Variants in DENND2B observed in about 807,000 individuals in gnomAD.
DENND2B encodes DENN domain containing 2B.
Under a neutral mutation model 116.0 loss-of-function variants are expected in DENND2B, and 32 were observed. The observed-to-expected ratio is 0.28, with a 90% confidence interval of 0.21 to 0.37. The LOEUF is 0.37. Among genes scored for constraint, DENND2B ranks in the 10% least tolerant of loss-of-function variants. DENND2B has a pLI of 1.00. For synonymous variants in DENND2B, 588 were observed against 583.9 expected (o/e 1.01, Z -0.10); for missense variants, 1,276 against 1,477.7 (o/e 0.86, Z 2.24).
At chr11:8,823,211 G>C (rs1259516170) in intron 4 of DENND2B, among the ~76,000 whole-genome samples, 3 of 151,980 alleles carry the variant, frequency 2.0e-5, no homozygotes, top group Admixed American at 2.0e-4. Flanking sequence ...AGAATGTCAG[G>C]GACATAATTT....
At chr11:8,731,346 A>T in intron 2 of DENND2B, 137 bp from the exon 3 acceptor site, 2 of 846,430 alleles carry the variant, frequency 2.4e-6, no homozygotes, top group Non-Finnish European at 1.7e-6. Context: ...CTATTCAAGT[A>T]ATATACCTTG....
chr11:8,732,182 A>G (rs905290), intron 2 of DENND2B, among the ~76,000 whole-genome samples: 52,195 of 152,182 alleles, frequency 0.34, 10,946 homozygotes, highest in Non-Finnish European at 0.45. Flanking sequence ...AATAATTGGC[A>G]TCTACCATGT....
At chr11:8,814,324 T>C (rs2061497481), upstream of DENND2B, among the ~76,000 whole-genome samples, 1 of 146,886 alleles carries the variant, frequency 6.8e-6, no homozygotes, top group Non-Finnish European at 1.5e-5. Flanking sequence ...ACACACTTCA[T>C]TGACTTCCCA....
intron 4 of DENND2B, among the ~76,000 whole-genome samples, chr11:8,823,532 A>G (rs2061846368): frequency 6.6e-6 from 1 of 152,164 alleles, no homozygotes; most frequent in South Asian, 2.1e-4. Flanking sequence ...ATGGGAAGTG[A>G]TTAGGTCATG....
chr11:8,777,763 G>A (rs2057902621), intron 1 of DENND2B, among the ~76,000 whole-genome samples: 1 of 151,764 alleles, frequency 6.6e-6, no homozygotes, highest in Non-Finnish European at 1.5e-5. Context: ...TCAACCCAGG[G>A]AAAAAAAAGA....
At chr11:8,795,874 T>C (rs1348221227) in intron 1 of DENND2B, among the ~76,000 whole-genome samples, 1 of 152,238 alleles carries the variant, frequency 6.6e-6, no homozygotes, top group Non-Finnish European at 1.5e-5. Context: ...GACCATTCAA[T>C]GTCTGCTCAT....
chr11:8,705,571 A>G (rs1389098312), intron 13 of DENND2B, among the ~76,000 whole-genome samples: 1 of 151,778 alleles, frequency 6.6e-6, no homozygotes, highest in African/African-American at 2.4e-5. Flanking sequence ...CTTTGCTACT[A>G]AATACCTTCT....
intron 10 of DENND2B, 42 bp from the exon 11 acceptor site, chr11:8,710,956 A>G (rs1343170395): frequency 7.5e-6 from 12 of 1,609,132 alleles, no homozygotes; most frequent in Middle Eastern, 1.6e-4. Context: ...GTGTGAGAGG[A>G]CCTAGGAAAC....
chr11:8,730,213 G>C lies in DENND2B; in HGVS notation c.1077C>G (p.Ser359=). ...TATTTCCAGGGGTCCCGGGCTTAGT[G>C]GAACCACTGCCTTCCCTCTCTGGGG... ...GPPPEREGSG[S]TKPGTPGNSP... is the part of the protein sequence containing the mutation. The change falls in exon 3 of 20, where the codon TCC becomes TCG. Residue 359 remains serine (S), a synonymous_variant. Coordinates refer to ENST00000313726, the MANE Select transcript of DENND2B (RefSeq NM_213618.2). This position sits in a 1 kb window ranked among gnomAD's most constrained non-coding sequence, Gnocchi z 4.1. 1.2e-6 allele frequency: 2 copies of C among 1,613,398 alleles called. No homozygotes were observed. Among genetic ancestry groups the C allele is most frequent in the Non-Finnish European group, 1.7e-6 (2 of 1,179,602 alleles).
At chr11:8,811,989 T>A (rs992883104), upstream of DENND2B, among the ~76,000 whole-genome samples, 2 of 152,222 alleles carry the variant, frequency 1.3e-5, no homozygotes, top group African/African-American at 4.8e-5. Flanking sequence ...TCCTCCTGCC[T>A]CAGCCTCTCA....
At chr11:8,768,244 T>C (rs1314482499) in intron 1 of DENND2B, among the ~76,000 whole-genome samples, 1 of 151,978 alleles carries the variant, frequency 6.6e-6, no homozygotes, top group Non-Finnish European at 1.5e-5. Context: ...GGATCTTTAA[T>C]TTATTTATTT....
intron 2 of DENND2B, among the ~76,000 whole-genome samples, chr11:8,738,210 T>G (rs1414139358): frequency 6.6e-6 from 1 of 152,236 alleles, no homozygotes; most frequent in Admixed American, 6.5e-5. Flanking sequence ...CTTTCCCATG[T>G]GCCTGCACTG....
chr11:8,869,154 C>A (rs1390068643), intron 2 of DENND2B, among the ~76,000 whole-genome samples: 1 of 152,134 alleles, frequency 6.6e-6, no homozygotes, highest in Non-Finnish European at 1.5e-5. Flanking sequence ...TCTCTTTCCC[C>A]AAGGAGTCCA....
chr11:8,753,544 A>G (rs1259567885), intron 1 of DENND2B, among the ~76,000 whole-genome samples: 1 of 152,240 alleles, frequency 6.6e-6, no homozygotes, highest in Non-Finnish European at 1.5e-5. Context: ...GCTTCTTTTC[A>G]GAAATTGACA....
chr11:8,753,657 A>C (rs2052998924), intron 1 of DENND2B, among the ~76,000 whole-genome samples: 1 of 152,246 alleles, frequency 6.6e-6, no homozygotes, highest in Non-Finnish European at 1.5e-5. Context: ...CCAATTAAAA[A>C]AAAATACTAA....
At chr11:8,834,213 T>C (rs1242155423) in intron 4 of DENND2B, among the ~76,000 whole-genome samples, 3 of 152,246 alleles carry the variant, frequency 2.0e-5, no homozygotes. Flanking sequence ...AAAGTCATTC[T>C]ATTTTCCTGA....
In DENND2B at chr11:8,759,009, G is replaced by A. The variant is rs187420315; in HGVS notation, c.-25-8284C>T. 1.2e-4 allele frequency among the ~76,000 whole-genome samples: 19 copies of A among 152,284 alleles called. No individual in the cohort carries two copies. In the East Asian group the frequency reaches 2.9e-3, roughly 23 times the overall value. ...CACAGGAGGACAGACCTCCCGGAAG[G>A]CTGACAGCTTTTGCTCAGTCCAGCC... On this transcript the variant is annotated intron_variant, in intron 1 of 19. Coordinates refer to ENST00000313726, the MANE Select transcript of DENND2B (RefSeq NM_213618.2).
chr11:8,796,813 A>AT (rs1565968281), intron 1 of DENND2B, among the ~76,000 whole-genome samples: 1 of 152,020 alleles, frequency 6.6e-6, no homozygotes, highest in Non-Finnish European at 1.5e-5. Flanking sequence ...GAGAAAGGCC[A>AT]TTTTTTTCCT....
chr11:8,775,008 G>A (rs11042060), intron 1 of DENND2B, among the ~76,000 whole-genome samples: 52,586 of 151,718 alleles, frequency 0.35, 11,074 homozygotes, highest in Non-Finnish European at 0.45. Context: ...AGCCTCCTGA[G>A]TAGCCGGGAT....
Sources: gnomAD v4.1 joint callset for allele counts (sites outside exome capture counted in the v4.1 genomes callset) on GRCh38, gnomAD v4.1.1 for gene constraint, Gnocchi (gnomAD v3.1) non-coding constraint, MANE v1.5 for transcripts, NCBI Gene and HGNC (gene_info 2026-07-23, HGNC 2026-07-21) for gene names.